Variants in UBE3D observed in about 807,000 individuals in gnomAD.
UBE3D encodes the protein ubiquitin protein ligase E3D.
Under a neutral mutation model 49.6 loss-of-function variants are expected in UBE3D, and 48 were observed. That is an observed-to-expected ratio of 0.97 (90% CI 0.77 to 1.23). The LOEUF (loss-of-function observed/expected upper bound fraction) is 1.23, where lower values mean the gene tolerates loss of function less well. UBE3D is among the 50% of genes most tolerant of loss of function. The pLI is 0.00. For synonymous variants in UBE3D, 189 were observed against 174.2 expected (o/e 1.08, Z -0.67); for missense variants, 452 against 468.4 (o/e 0.96, Z 0.32).
chr6:82,918,078 C>T (rs2127732389), intron 9 of UBE3D, among the ~76,000 whole-genome samples: 1 of 152,098 alleles, frequency 6.6e-6, no homozygotes. Flanking sequence ...ATTCTTTCTC[C>T]CAAGTAAGAC....
intron 8 of UBE3D, among the ~76,000 whole-genome samples, chr6:83,004,015 T>C (rs1315581033): frequency 6.6e-6 from 1 of 152,208 alleles, no homozygotes; most frequent in East Asian, 1.9e-4. Flanking sequence ...CTCTGTATCT[T>C]TAGAGTAATT....
chr6:83,046,489 C>T (rs560549906), intron 3 of UBE3D, among the ~76,000 whole-genome samples: 35 of 152,180 alleles, frequency 2.3e-4, no homozygotes, highest in South Asian at 8.3e-4. Flanking sequence ...ATTCTTTCAA[C>T]GTACATTTCC....
chr6:82,910,444 G>A (rs1038912649), intron 9 of UBE3D, among the ~76,000 whole-genome samples: 2 of 152,258 alleles, frequency 1.3e-5, no homozygotes, highest in East Asian at 3.9e-4. Flanking sequence ...AAGAGACTGG[G>A]AGATTTGTTA....
chr6:82,939,437 C>T (rs921721491), intron 9 of UBE3D, among the ~76,000 whole-genome samples: 1 of 152,194 alleles, frequency 6.6e-6, no homozygotes, highest in African/African-American at 2.4e-5. Context: ...AACAAGGGAC[C>T]ACATGTACAA....
At chr6:82,975,733 A>C (rs1297748791) in intron 8 of UBE3D, among the ~76,000 whole-genome samples, 2 of 152,196 alleles carry the variant, frequency 1.3e-5, no homozygotes, top group East Asian at 3.8e-4. Context: ...ACTAACCTAA[A>C]AAGCAGTCTT....
intron 9 of UBE3D, among the ~76,000 whole-genome samples, chr6:82,951,116 T>C (rs1366319050): frequency 6.6e-6 from 1 of 152,250 alleles, no homozygotes; most frequent in Non-Finnish European, 1.5e-5. Flanking sequence ...AGTGGATTGT[T>C]TGTAACACAA....
At chr6:83,011,310 C>G (rs142616336) in intron 8 of UBE3D, among the ~76,000 whole-genome samples, 1 of 152,256 alleles carries the variant, frequency 6.6e-6, no homozygotes, top group East Asian at 1.9e-4. Context: ...CAACTGGTCA[C>G]CTGGTCGTAG....
chr6:82,887,720 A>AAAAG (rs1770915070), downstream of UBE3D, among the ~76,000 whole-genome samples: 1 of 151,804 alleles, frequency 6.6e-6, no homozygotes, highest in African/African-American at 2.4e-5. Context: ...CCAAAAAAAA[A>AAAAG]GAAAGAAAAG....
intron 3 of UBE3D, among the ~76,000 whole-genome samples, chr6:83,047,950 C>T (rs1374650440): frequency 2.0e-5 from 3 of 151,702 alleles, no homozygotes; most frequent in Non-Finnish European, 2.9e-5. Context: ...GGAGTGCTGG[C>T]GGGCACCTGT....
intron 9 of UBE3D, among the ~76,000 whole-genome samples, chr6:82,896,295 T>C (rs1169902854): frequency 1.3e-5 from 2 of 152,240 alleles, no homozygotes; most frequent in African/African-American, 4.8e-5. Flanking sequence ...TGTTTTTCAT[T>C]TTATTCCCCA....
chr6:82,912,568 T>G (rs1772607277), intron 9 of UBE3D, among the ~76,000 whole-genome samples: 2 of 152,154 alleles, frequency 1.3e-5, no homozygotes, highest in Non-Finnish European at 2.9e-5. Context: ...ACAGAAGGAT[T>G]TGGGAAGCGG....
intron 8 of UBE3D, among the ~76,000 whole-genome samples, chr6:82,970,093 T>C (rs2127704049): frequency 6.8e-6 from 1 of 148,018 alleles, no homozygotes; most frequent in East Asian, 2.0e-4. Flanking sequence ...TAATTATATA[T>C]AATTATATAT....
At chr6:83,041,323 T>A (rs1161872251) in intron 4 of UBE3D, among the ~76,000 whole-genome samples, 1 of 152,200 alleles carries the variant, frequency 6.6e-6, no homozygotes, top group Non-Finnish European at 1.5e-5. Context: ...TTATCAGACA[T>A]GGGTAATCAG....
chr6:82,900,366 G>A (rs919766174), intron 9 of UBE3D, among the ~76,000 whole-genome samples: 10 of 152,140 alleles, frequency 6.6e-5, no homozygotes, highest in African/African-American at 2.4e-4. Context: ...AAGCATGGCT[G>A]GTGAAGAAAT....
Position 82,966,486 on chromosome 6 carries a change from T to G in UBE3D, c.1011-9036A>C, listed in dbSNP as rs1776933634. On this transcript the variant is annotated intron_variant, in intron 8 of 9. Transcript: ENST00000369747. ...TAAAACGGTGAAACCCCGTCTCTAC[T>G]AAAAATACAAAAAATTAGCCGGGCG... is the stretch of plus-strand genomic sequence containing the variant. Among the ~76,000 whole-genome samples, 2 of 121,290 alleles carry G rather than the reference T, an allele frequency of 1.6e-5. 1 individual carries two copies. The highest frequency in any genetic ancestry group is 3.4e-5 in the Non-Finnish European group (2 of 58,516). 79.6% of individuals were successfully genotyped at this position (121,290 alleles called of 152,430 possible).
intron 8 of UBE3D, among the ~76,000 whole-genome samples, chr6:83,016,211 T>A (rs1199770817): frequency 6.6e-6 from 1 of 152,172 alleles, no homozygotes; most frequent in Non-Finnish European, 1.5e-5. Context: ...GGAGTTAGAA[T>A]CCCTGAGTTC....
chr6:83,041,971 G>A lies in UBE3D; in HGVS notation c.597+2457C>T, dbSNP rs555810384. Among the ~76,000 whole-genome samples, 71 of 152,040 alleles carry A rather than the reference G, an allele frequency of 4.7e-4. 1 individual carries two copies. Among genetic ancestry groups the A allele is most frequent in the Admixed American group, 8.5e-4 (13 of 15,280 alleles). ...TGTCACCAGGCTGGAGTGCAGTGGT[G>A]CAATCTTGGCTCACTGCAACCTCTG... On this transcript the variant is annotated intron_variant, in intron 4 of 9. Transcript: ENST00000369747.
At chr6:82,927,471 T>C (rs901402490) in intron 9 of UBE3D, among the ~76,000 whole-genome samples, 8 of 152,204 alleles carry the variant, frequency 5.3e-5, no homozygotes, top group African/African-American at 1.7e-4. Context: ...AGTGACATCC[T>C]GACCACATGT....
chr6:82,891,258 T>G (rs1430419104), downstream of UBE3D, among the ~76,000 whole-genome samples: 3 of 152,150 alleles, frequency 2.0e-5, no homozygotes, highest in African/African-American at 7.2e-5. Context: ...TCAACACAAC[T>G]GGAGTGGAGG....
Sources: gnomAD v4.1 joint callset for allele counts (sites outside exome capture counted in the v4.1 genomes callset) on GRCh38, gnomAD v4.1.1 for gene constraint, MANE v1.5 for transcripts, NCBI Gene and HGNC (gene_info 2026-07-23, HGNC 2026-07-21) for gene names.